CACNB4: variants seen among roughly 807,000 people sequenced by gnomAD.
The protein encoded by CACNB4 is calcium voltage-gated channel auxiliary subunit beta 4.
CACNB4 carries 32 observed loss-of-function variants against 71.2 expected under a neutral mutation model. The ratio of observed to expected loss-of-function variants is 0.45; its 90% CI spans 0.34 to 0.60. CACNB4 has a LOEUF of 0.60. Among genes scored for constraint, CACNB4 ranks in the 20% least tolerant of loss-of-function variants. The pLI is 0.01. For synonymous variants in CACNB4, 231 were observed against 236.9 expected (o/e 0.97, Z 0.23); for missense variants, 464 against 647.9 (o/e 0.72, Z 3.08).
chr2:151,860,917 C>T, intron 9 of CACNB4, 97 bp from the exon 10 acceptor site: 1 of 766,466 alleles, frequency 1.3e-6, no homozygotes, highest in Non-Finnish European at 2.3e-6. Context: ...AATTTACATG[C>T]TACAGGGGAA....
chr2:151,891,900 A>G (rs1368305864), intron 2 of CACNB4, among the ~76,000 whole-genome samples: 1 of 152,174 alleles, frequency 6.6e-6, no homozygotes, highest in Non-Finnish European at 1.5e-5. Context: ...CTGCCTAGTC[A>G]AAACTTCATG....
chr2:151,973,720 G>A (rs776800274), intron 2 of CACNB4: 1 of 1,613,076 alleles, frequency 6.2e-7, no homozygotes, highest in Non-Finnish European at 8.5e-7. Flanking sequence ...ACATGGAGGT[G>A]TGATAATCCA....
At chr2:151,901,616 G>A (rs1299944508) in intron 2 of CACNB4, among the ~76,000 whole-genome samples, 3 of 152,060 alleles carry the variant, frequency 2.0e-5, no homozygotes, top group African/African-American at 7.2e-5. Flanking sequence ...AAAAGATCAC[G>A]AAGGAGTTTT....
chr2:152,029,548 G>C (rs1196687847), intron 2 of CACNB4, among the ~76,000 whole-genome samples: 1 of 149,782 alleles, frequency 6.7e-6, no homozygotes, highest in Non-Finnish European at 1.5e-5. Flanking sequence ...AAAGAGCCCA[G>C]AGTTTGCTCT....
chr2:151,853,448 T>TG lies in CACNB4; in HGVS notation c.1115dup (p.Glu373ArgfsTer4), dbSNP rs1400267601. The stretch of plus-strand genomic sequence containing the variant: ...GAAGACAAAAAATGATCATACTTAC[T>TG]GGGGGGCATTGTGCAAGTTTATCAG... On this transcript the variant is annotated frameshift_variant and splice_region_variant, in exon 12 of 14. Transcript: ENST00000539935. LOFTEE classifies it high-confidence loss of function. The TG allele has an allele frequency of 2.5e-6, 4 of 1,577,646 alleles. No homozygotes were observed. Among genetic ancestry groups the TG allele is most frequent in the Admixed American group, 1.8e-5 (1 of 55,840 alleles).
At chr2:152,073,165 T>C (rs189116105) in intron 2 of CACNB4, among the ~76,000 whole-genome samples, 21 of 152,246 alleles carry the variant, frequency 1.4e-4, no homozygotes, top group African/African-American at 4.8e-4. Flanking sequence ...GAAATCTATA[T>C]AGATTTACTT....
chr2:152,075,187 T>C (rs978240617), intron 2 of CACNB4, among the ~76,000 whole-genome samples: 1 of 152,226 alleles, frequency 6.6e-6, no homozygotes, highest in Non-Finnish European at 1.5e-5. Flanking sequence ...ATCATCCTTA[T>C]TTCACATTAT....
chr2:151,942,236 A>AC, intron 2 of CACNB4, among the ~76,000 whole-genome samples: 1 of 149,348 alleles, frequency 6.7e-6, no homozygotes, highest in African/African-American at 2.6e-5. Context: ...GAAGTCAGGG[A>AC]CCCCAAATGG....
chr2:151,894,524 T>C (rs1452842276), intron 2 of CACNB4, among the ~76,000 whole-genome samples: 1 of 152,198 alleles, frequency 6.6e-6, no homozygotes, highest in African/African-American at 2.4e-5. Context: ...CCACTTTTGC[T>C]ACTGTTATTC....
intron 2 of CACNB4, among the ~76,000 whole-genome samples, chr2:152,065,865 C>T (rs1333197366): frequency 6.6e-6 from 1 of 152,100 alleles, no homozygotes; most frequent in Admixed American, 6.5e-5. Context: ...TCTCAGACTC[C>T]CAAGTAGCTG....
intron 2 of CACNB4, among the ~76,000 whole-genome samples, chr2:152,083,605 C>T (rs1039821218): frequency 3.3e-5 from 5 of 152,162 alleles, no homozygotes; most frequent in Non-Finnish European, 5.9e-5. Context: ...GATGAAGCCA[C>T]GAACTTTGGA....
At chr2:152,040,383 C>T (rs1325902918) in intron 2 of CACNB4, among the ~76,000 whole-genome samples, 2 of 152,076 alleles carry the variant, frequency 1.3e-5, no homozygotes, top group Non-Finnish European at 2.9e-5. Flanking sequence ...CCTCACATTT[C>T]ACTGATACTT....
At chr2:152,020,335 G>A (rs1683588447) in intron 2 of CACNB4, among the ~76,000 whole-genome samples, 1 of 152,176 alleles carries the variant, frequency 6.6e-6, no homozygotes, top group African/African-American at 2.4e-5. Flanking sequence ...AATGGCTCCT[G>A]GGTGAGAACT....
chr2:151,847,940 A>G (rs2099838025), intron 12 of CACNB4, among the ~76,000 whole-genome samples: 1 of 152,194 alleles, frequency 6.6e-6, no homozygotes, highest in Non-Finnish European at 1.5e-5. Flanking sequence ...AGATAATCAT[A>G]ATTCTTGCCA....
intron 2 of CACNB4, among the ~76,000 whole-genome samples, chr2:152,002,197 T>C (rs1682464119): frequency 6.6e-6 from 1 of 152,252 alleles, no homozygotes; most frequent in Non-Finnish European, 1.5e-5. Context: ...TGACTTGCAG[T>C]ACAGCAACAT....
intron 2 of CACNB4, among the ~76,000 whole-genome samples, chr2:151,932,307 G>A (rs1560019292): frequency 6.6e-6 from 1 of 152,076 alleles, no homozygotes; most frequent in Non-Finnish European, 1.5e-5. Context: ...AAGAATCTGT[G>A]CCAGGATGAC....
chr2:152,073,337 T>G, intron 2 of CACNB4, among the ~76,000 whole-genome samples: 1 of 152,080 alleles, frequency 6.6e-6, no homozygotes, highest in East Asian at 1.9e-4. Context: ...CACATCTCCC[T>G]CTCCAACCCT....
intron 2 of CACNB4, among the ~76,000 whole-genome samples, chr2:152,052,823 CA>C (rs924126511): frequency 2.7e-5 from 4 of 150,734 alleles, no homozygotes; most frequent in Admixed American, 6.6e-5. Context: ...ACTAAAAATA[CA>C]AAAAAAAATT....
At chr2:152,089,201 A>G (rs1687835785) in intron 2 of CACNB4, among the ~76,000 whole-genome samples, 1 of 152,240 alleles carries the variant, frequency 6.6e-6, no homozygotes, top group African/African-American at 2.4e-5. Context: ...TTCCTGGTTC[A>G]TGAAGTACAA....
Sources: gnomAD v4.1 joint callset for allele counts (sites outside exome capture counted in the v4.1 genomes callset) on GRCh38, gnomAD v4.1.1 for gene constraint, MANE v1.5 for transcripts, NCBI Gene and HGNC (gene_info 2026-07-23, HGNC 2026-07-21) for gene names.